DSE: variants seen among roughly 807,000 people sequenced by gnomAD.
DSE encodes the protein dermatan-sulfate epimerase.
Under a neutral mutation model 84.4 loss-of-function variants are expected in DSE, and 36 were observed. The ratio of observed to expected loss-of-function variants is 0.43; its 90% CI spans 0.33 to 0.56. The LOEUF (loss-of-function observed/expected upper bound fraction) is 0.56. Among genes scored for constraint, DSE ranks in the 20% least tolerant of loss-of-function variants. The probability of loss-of-function intolerance (pLI) is 0.06; values close to 1 mark genes in which losing one functional copy is unlikely to be tolerated. For synonymous variants in DSE, 410 were observed against 430.1 expected (o/e 0.95, Z 0.58); for missense variants, 862 against 1,169.6 (o/e 0.74, Z 3.84).
intron 2 of DSE, among the ~76,000 whole-genome samples, chr6:116,348,701 G>A (rs554804195): frequency 3.0e-4 from 45 of 152,218 alleles, no homozygotes; most frequent in South Asian, 1.5e-3. Flanking sequence ...CATTATTCAC[G>A]ATAGCAAAGA....
intron 1 of DSE, among the ~76,000 whole-genome samples, chr6:116,383,519 G>A (rs1387700478): frequency 1.3e-5 from 2 of 152,196 alleles, no homozygotes; most frequent in Non-Finnish European, 2.9e-5. Context: ...TAAGGATATA[G>A]ACTCCGCATT....
At chr6:116,385,729 A>G (rs1474757861) in intron 1 of DSE, among the ~76,000 whole-genome samples, 1 of 152,174 alleles carries the variant, frequency 6.6e-6, no homozygotes, top group African/African-American at 2.4e-5. Context: ...TTTAATGCCA[A>G]AGAACTCAAA....
intron 2 of DSE, among the ~76,000 whole-genome samples, chr6:116,348,452 A>T (rs1436097692): frequency 6.6e-6 from 1 of 152,012 alleles, no homozygotes; most frequent in East Asian, 1.9e-4. Context: ...AAACAAAAAA[A>T]AAACCCCAAA....
At chr6:116,262,669 G>C (rs1278149735) in intron 2 of DSE, among the ~76,000 whole-genome samples, 1 of 152,022 alleles carries the variant, frequency 6.6e-6, no homozygotes, top group Non-Finnish European at 1.5e-5. Flanking sequence ...GGATTTGTTT[G>C]CTCCTGGTTC....
At chr6:116,370,128 C>A, upstream of DSE, 1 of 373,674 alleles carries the variant, frequency 2.7e-6, no homozygotes, top group Non-Finnish European at 5.0e-6. Context: ...GACTCTTCTC[C>A]AGGAGGCTGT....
At chr6:116,421,644 A>T (rs1783103050) in intron 2 of DSE, among the ~76,000 whole-genome samples, 1 of 151,034 alleles carries the variant, frequency 6.6e-6, no homozygotes, top group South Asian at 2.1e-4. Context: ...GCTAATTTTT[A>T]AAAAATTATT....
chr6:116,321,337 A>AG (rs1776302659), intron 2 of DSE, among the ~76,000 whole-genome samples: 1 of 115,540 alleles, frequency 8.7e-6, no homozygotes, highest in African/African-American at 3.6e-5. Flanking sequence ...CTAATTTTTC[A>AG]TTTTTTTTTT....
intron 2 of DSE, among the ~76,000 whole-genome samples, chr6:116,424,223 T>C (rs1770175255): frequency 6.6e-6 from 1 of 152,220 alleles, no homozygotes; most frequent in African/African-American, 2.4e-5. Context: ...GAAGATGATA[T>C]TCCCAACTCC....
In DSE at chr6:116,437,177, G is replaced by T. The variant is rs1784232027; in HGVS notation, c.2709G>T (p.Leu903Phe). The T allele has an allele frequency of 2.5e-6, 4 of 1,614,008 alleles. No homozygotes were observed. Among genetic ancestry groups the T allele is most frequent in the Admixed American group, 1.7e-5 (1 of 59,990 alleles). Residue 903 changes from leucine (L) to phenylalanine (F), a missense_variant, in exon 6 of 6, where the codon TTG (leucine) becomes TTT (phenylalanine). This residue lies in a region of DSE where 315 missense variants were observed against 348.1 expected (regional missense o/e 0.90). Coordinates refer to ENST00000644252, the MANE Select transcript of DSE (RefSeq NM_013352.4). ...CACTGTCTGCTTCCTATACCAGGTT[G>T]TTCCTGATTCTGAACATTGCTATTT... is the stretch of plus-strand genomic sequence containing the variant. ...APSLSASYTR[L>F]FLILNIAIFF...
chr6:116,407,473 C>T (rs1345486602), intron 2 of DSE, among the ~76,000 whole-genome samples: 1 of 152,222 alleles, frequency 6.6e-6, no homozygotes, highest in Non-Finnish European at 1.5e-5. Context: ...GTCCCTATTA[C>T]ACTGCAAGGG....
At chr6:116,319,074 T>C (rs973260154) in intron 2 of DSE, among the ~76,000 whole-genome samples, 4 of 152,200 alleles carry the variant, frequency 2.6e-5, no homozygotes, top group Non-Finnish European at 5.9e-5. Context: ...CTAAGATTCT[T>C]TATTCTTTCT....
chr6:116,375,546 T>C, intron 1 of DSE: 1 of 985,276 alleles, frequency 1.0e-6, no homozygotes, highest in Non-Finnish European at 1.2e-6. Flanking sequence ...TATCCCAAAT[T>C]TCTATCATCT....
At chr6:116,258,945 G>T in exon 2 of DSE, 1 of 1,525,578 alleles carries the variant, frequency 6.6e-7, no homozygotes, top group Non-Finnish European at 9.1e-7. Context: ...AGCATTTGGC[G>T]GCATACCACC....
Position 116,269,769 on chromosome 6 carries a change from T to C in DSE, c.-54+10802T>C, listed in dbSNP as rs1219569372. Among the ~76,000 whole-genome samples the C allele has an allele frequency of 5.9e-5, 9 of 152,320 alleles. No individual in the cohort carries two copies. In the East Asian group the frequency reaches 1.7e-3, roughly 29 times the overall value. ...AACTAGATGCATGAAATACATACTT[T>C]TAATAGCTGACTTTAAGCAGACTTG... On this transcript the variant is annotated intron_variant, in intron 2 of 3. Coordinates refer to the DSE transcript ENST00000430252.
intron 1 of DSE, among the ~76,000 whole-genome samples, chr6:116,390,261 G>T (rs905275279): frequency 4.0e-5 from 6 of 151,876 alleles, no homozygotes; most frequent in Non-Finnish European, 8.8e-5. Flanking sequence ...TAGAGACAGG[G>T]TTTCACCATG....
chr6:116,363,391 G>T, intron 2 of DSE, among the ~76,000 whole-genome samples: 1 of 151,500 alleles, frequency 6.6e-6, no homozygotes, highest in East Asian at 1.9e-4. Context: ...GTGTGTGTGT[G>T]TATATATATA....
intron 1 of DSE, among the ~76,000 whole-genome samples, chr6:116,371,549 C>G (rs1010230367): frequency 6.6e-6 from 1 of 152,208 alleles, no homozygotes; most frequent in African/African-American, 2.4e-5. Context: ...CCTTTCCCTC[C>G]GTACCCCAGC....
chr6:116,369,195 A>C (rs866968301), upstream of DSE, among the ~76,000 whole-genome samples: 45 of 152,198 alleles, frequency 3.0e-4, no homozygotes, highest in African/African-American at 1.1e-3. Flanking sequence ...CATTGGAAAG[A>C]ATTTATTATA....
At chr6:116,371,405 G>T (rs922070203) in intron 1 of DSE, among the ~76,000 whole-genome samples, 1 of 152,300 alleles carries the variant, frequency 6.6e-6, no homozygotes, top group African/African-American at 2.4e-5. Flanking sequence ...GCCGAGCACC[G>T]AGCCGGGAAC....
Sources: allele counts gnomAD v4.1 joint callset (sites outside exome capture counted in the v4.1 genomes callset), GRCh38; gene constraint gnomAD v4.1.1; regional missense constraint gnomAD v4.1.1; transcripts MANE v1.5; gene names NCBI Gene and HGNC (gene_info 2026-07-23, HGNC 2026-07-21).